DPYSL3: variants seen among roughly 807,000 people sequenced by gnomAD.
DPYSL3 encodes dihydropyrimidinase-related protein 3.
DPYSL3 carries 16 observed loss-of-function variants against 66.1 expected under a neutral mutation model. The ratio of observed to expected loss-of-function variants is 0.24; its 90% confidence interval spans 0.16 to 0.37. DPYSL3 has a LOEUF of 0.37. DPYSL3 is among the 10% of genes least tolerant of loss of function. DPYSL3 has a pLI of 1.00. For missense variants in DPYSL3, 738 were observed against 916.2 expected (o/e 0.81, Z 2.51); for synonymous variants, 338 against 345.1 (o/e 0.98, Z 0.23).
chr5:147,430,128 AAGAG>A (rs950923545), intron 1 of DPYSL3, among the ~76,000 whole-genome samples: 15 of 152,196 alleles, frequency 9.9e-5, no homozygotes, highest in African/African-American at 3.6e-4. Flanking sequence ...AGGAAGTAAA[AAGAG>A]AGAGAGAAAG....
chr5:147,402,462 C>T (rs1017890205), intron 8 of DPYSL3, among the ~76,000 whole-genome samples: 1 of 142,990 alleles, frequency 7.0e-6, no homozygotes, highest in African/African-American at 3.0e-5. Context: ...ATTCTCCTGC[C>T]TCAGCCTCCC....
intron 1 of DPYSL3, among the ~76,000 whole-genome samples, chr5:147,446,120 C>T (rs1395591042): frequency 6.6e-6 from 1 of 152,160 alleles, no homozygotes; most frequent in Non-Finnish European, 1.5e-5. Context: ...CTTAGAACTC[C>T]TCTCTGTGAA....
Position 147,509,341 on chromosome 5 carries a change from TG to T in DPYSL3, c.381+136del. On this transcript the variant is annotated intron_variant, in intron 1 of 13. Transcript: ENST00000343218. This position sits in a 1 kb window ranked among gnomAD's most constrained non-coding sequence, Gnocchi z 5.3. ...GGCTAGGAAGTCGCGCTACGCTCAGTGGAGGATGACCCTTTCCTCCTCCTTG... is the reference window on the plus strand; with the variant it reads ...GGCTAGGAAGTCGCGCTACGCTCAGTGAGGATGACCCTTTCCTCCTCCTTG... 1 of 1,196,388 alleles carries T rather than the reference TG, an allele frequency of 8.4e-7. No homozygotes were observed. The highest frequency in any genetic ancestry group is 1.1e-6 in the Non-Finnish European group (1 of 886,174). 74.1% of individuals were successfully genotyped at this position (1,196,388 alleles called of 1,614,324 possible). A position where few individuals can be genotyped will look rare whatever the true frequency, so the allele number is the denominator to read the frequency against.
chr5:147,506,787 C>T (rs1355771087), intron 1 of DPYSL3, among the ~76,000 whole-genome samples: 1 of 152,176 alleles, frequency 6.6e-6, no homozygotes, highest in Non-Finnish European at 1.5e-5. Context: ...GGCTAAGTTA[C>T]ATGCTTACAG....
chr5:147,490,323 T>A (rs949332131), intron 1 of DPYSL3, among the ~76,000 whole-genome samples: 5 of 152,194 alleles, frequency 3.3e-5, no homozygotes, highest in African/African-American at 4.8e-5. Context: ...ACAAAGGTTA[T>A]CTAGAAGAAG....
chr5:147,439,834 T>G (rs1014042245), intron 1 of DPYSL3, among the ~76,000 whole-genome samples: 1 of 152,192 alleles, frequency 6.6e-6, no homozygotes, highest in Non-Finnish European at 1.5e-5. Context: ...CAGTATCTGT[T>G]GAAAACAATG....
At chr5:147,453,630 T>C in intron 1 of DPYSL3, 1 of 1,520,440 alleles carries the variant, frequency 6.6e-7, no homozygotes, top group South Asian at 1.2e-5. Flanking sequence ...TCCCTCCTTC[T>C]TCTGCTCCGG....
Position 147,418,585 on chromosome 5 carries a change from C to T in DPYSL3, c.517G>A (p.Glu173Lys). ...GGGATCACCATCTTCCCATTGGCTTCAATGGTCTTCACTCCTCCAGGAACA... is the reference window on the plus strand; with the variant it reads ...GGGATCACCATCTTCCCATTGGCTTTAATGGTCTTCACTCCTCCAGGAACA... Reference protein sequence around the residue: ...LIVPGGVKTIEANGKMVIPGG... With the variant: ...LIVPGGVKTIKANGKMVIPGG... Residue 173 changes from glutamate to lysine, a missense_variant, in exon 3 of 14, where the codon GAA becomes AAA. Glu to Lys is a moderately conservative substitution (Grantham distance 56). Transcript: ENST00000343218. 6.2e-7 allele frequency: 1 copy of T among 1,611,154 alleles called. No individual in the cohort carries two copies. The highest frequency in any genetic ancestry group is 8.5e-7 in the Non-Finnish European group (1 of 1,178,346).
At chr5:147,453,522 G>T (rs768899456) in intron 1 of DPYSL3, 3 of 1,522,554 alleles carry the variant, frequency 2.0e-6, no homozygotes, top group South Asian at 1.2e-5. Flanking sequence ...GAGCGAGGAG[G>T]GAGGGAGCAG....
chr5:147,481,633 C>A (rs1753245689), intron 1 of DPYSL3, among the ~76,000 whole-genome samples: 2 of 152,250 alleles, frequency 1.3e-5, no homozygotes, highest in East Asian at 1.9e-4. Context: ...GAAGGTGGGG[C>A]CTCATGGGAG....
At position 147,460,270 on chromosome 5, in the gene DPYSL3, A is replaced by C. The variant is rs188505281; in HGVS notation, c.382-35307T>G. 2.2e-3 allele frequency among the ~76,000 whole-genome samples: 330 copies of C among 152,338 alleles called. 1 individual carries two copies. Among genetic ancestry groups the C allele is most frequent in the Non-Finnish European group, 3.5e-3 (239 of 68,030 alleles). On this transcript the variant is annotated intron_variant, in intron 1 of 13. Coordinates refer to ENST00000343218, the MANE Select transcript of DPYSL3 (RefSeq NM_001197294.2). ...TAGGCATCATGGGGAGAGATACTAT[A>C]GTCTGATGAACTTATCTGAACTTCA... is the stretch of plus-strand genomic sequence containing the variant.
chr5:147,445,674 A>G (rs552723373), intron 1 of DPYSL3, among the ~76,000 whole-genome samples: 10 of 152,142 alleles, frequency 6.6e-5, no homozygotes, highest in Non-Finnish European at 1.3e-4. Context: ...AATATTAGCA[A>G]GAGCAGCTGA....
chr5:147,433,296 G>A (rs1366828176), intron 1 of DPYSL3, among the ~76,000 whole-genome samples: 1 of 152,158 alleles, frequency 6.6e-6, no homozygotes, highest in East Asian at 1.9e-4. Context: ...CTCTGGGTCC[G>A]AAGCTTGGGT....
intron 1 of DPYSL3, among the ~76,000 whole-genome samples, chr5:147,445,457 C>G (rs1350797028): frequency 1.3e-5 from 2 of 152,220 alleles, no homozygotes; most frequent in Admixed American, 1.3e-4. Flanking sequence ...GTGATCTTCT[C>G]TCTTGAAATC....
chr5:147,495,652 C>T (rs1038728115), intron 1 of DPYSL3, among the ~76,000 whole-genome samples: 1 of 152,100 alleles, frequency 6.6e-6, no homozygotes, highest in African/African-American at 2.4e-5. Flanking sequence ...TTCACAATTG[C>T]TTCAAAGAGA....
chr5:147,445,648 C>T (rs1752617333), intron 1 of DPYSL3, among the ~76,000 whole-genome samples: 1 of 152,120 alleles, frequency 6.6e-6, no homozygotes, highest in African/African-American at 2.4e-5. Flanking sequence ...CATTGGATGG[C>T]AGCCATCATA....
intron 1 of DPYSL3, among the ~76,000 whole-genome samples, chr5:147,471,870 C>G (rs531969178): frequency 1.3e-4 from 20 of 152,144 alleles, no homozygotes; most frequent in African/African-American, 1.7e-4. Flanking sequence ...ATATGCTTGC[C>G]TGCCATATGC....
intron 1 of DPYSL3, among the ~76,000 whole-genome samples, chr5:147,508,063 A>G (rs1382544606): frequency 1.3e-5 from 2 of 152,330 alleles, no homozygotes; most frequent in East Asian, 3.9e-4. Flanking sequence ...CAACCAAAAC[A>G]TTTGCAAAAT....
chr5:147,419,177 T>C (rs1333660002), intron 2 of DPYSL3, among the ~76,000 whole-genome samples: 1 of 152,184 alleles, frequency 6.6e-6, no homozygotes, highest in Non-Finnish European at 1.5e-5. Flanking sequence ...ATTCCACCCT[T>C]TCCTGACCAT....
Sources: allele counts gnomAD v4.1 joint callset (sites outside exome capture counted in the v4.1 genomes callset), GRCh38; gene constraint gnomAD v4.1.1; non-coding constraint Gnocchi (gnomAD v3.1); transcripts MANE v1.5; gene names NCBI Gene and HGNC (gene_info 2026-07-23, HGNC 2026-07-21).